Variants in SLC24A2 observed in about 807,000 individuals in gnomAD.
SLC24A2 encodes solute carrier family 24 member 2, also known as sodium/potassium/calcium exchanger 2.
A neutral mutation model predicts 62.0 loss-of-function variants in SLC24A2; 36 were observed. The ratio of observed to expected loss-of-function variants is 0.58; its 90% confidence interval spans 0.44 to 0.77. SLC24A2 has a LOEUF of 0.77. Among genes scored for constraint, SLC24A2 ranks in the 30% least tolerant of loss-of-function variants. The pLI is 0.00. For synonymous variants in SLC24A2, 358 were observed against 294.0 expected (o/e 1.22, Z -2.23); for missense variants, 846 against 817.9 (o/e 1.03, Z -0.42).
At chr9:19,560,016 G>C (rs1035719751) in intron 7 of SLC24A2, among the ~76,000 whole-genome samples, 11 of 152,100 alleles carry the variant, frequency 7.2e-5, no homozygotes, top group African/African-American at 2.7e-4. Flanking sequence ...ATGAACTTTT[G>C]GGACCCTGAA....
chr9:20,025,704 G>A, the SLC24A2 span, among the ~76,000 whole-genome samples: 1 of 152,114 alleles, frequency 6.6e-6, no homozygotes, highest in East Asian at 1.9e-4. Context: ...GACCTGGAAC[G>A]ACCAAGTGAC....
At chr9:19,624,935 G>C (rs1057373782) in intron 2 of SLC24A2, among the ~76,000 whole-genome samples, 1 of 152,126 alleles carries the variant, frequency 6.6e-6, no homozygotes, top group East Asian at 1.9e-4. Flanking sequence ...AGCTGATTAC[G>C]TTACAAATTC....
chr9:19,947,696 C>T, the SLC24A2 span, among the ~76,000 whole-genome samples: 2 of 148,172 alleles, frequency 1.3e-5, no homozygotes, highest in Non-Finnish European at 3.0e-5. Context: ...GAGGCTGAGG[C>T]AGGAGAATGG....
chr9:19,961,140 GGAGAGAGA>G, the SLC24A2 span, among the ~76,000 whole-genome samples: 168 of 138,574 alleles, frequency 1.2e-3, 4 homozygotes, highest in East Asian at 0.031. Context: ...AGAAGAAAGG[GGAGAGAGA>G]GAGAGAGAGA....
chr9:20,039,532 C>A, the SLC24A2 span, among the ~76,000 whole-genome samples: 3 of 151,856 alleles, frequency 2.0e-5, no homozygotes, highest in Non-Finnish European at 4.4e-5. Flanking sequence ...AATTTAGGAG[C>A]AGGTGAGACA....
the SLC24A2 span, among the ~76,000 whole-genome samples, chr9:19,989,148 C>T: frequency 6.6e-6 from 1 of 151,766 alleles, no homozygotes; most frequent in Non-Finnish European, 1.5e-5. Flanking sequence ...TACATTATTC[C>T]ATGTGTGTTT....
chr9:19,787,071 T>C (rs1823197536), intron 1 of SLC24A2, 52 bp from the exon 2 acceptor site: 2 of 1,313,364 alleles, frequency 1.5e-6, no homozygotes. Context: ...CACGTCTTTT[T>C]AATAAAGATC....
chr9:20,189,084 T>C, the SLC24A2 span, among the ~76,000 whole-genome samples: 1 of 106,644 alleles, frequency 9.4e-6, no homozygotes, highest in East Asian at 6.0e-4. Context: ...TTCTTTTTTT[T>C]TTTTTTTTCC....
At chr9:19,627,513 C>A (rs756550357) in intron 2 of SLC24A2, among the ~76,000 whole-genome samples, 47 of 152,080 alleles carry the variant, frequency 3.1e-4, no homozygotes, top group Non-Finnish European at 6.2e-4. Flanking sequence ...ATCAGAGTCT[C>A]CAAAATTTCT....
At chr9:20,186,509 A>G in the SLC24A2 span, among the ~76,000 whole-genome samples, 1 of 152,124 alleles carries the variant, frequency 6.6e-6, no homozygotes, top group Non-Finnish European at 1.5e-5. Flanking sequence ...ACTCCAACAC[A>G]TTGAACTCAT....
chr9:20,246,647 G>C, the SLC24A2 span, among the ~76,000 whole-genome samples: 19 of 152,298 alleles, frequency 1.2e-4, no homozygotes, highest in South Asian at 3.9e-3. Flanking sequence ...CAAGAAAAGA[G>C]GGAAAAAATT....
the SLC24A2 span, among the ~76,000 whole-genome samples, chr9:20,268,759 T>C: frequency 6.6e-6 from 1 of 152,310 alleles, no homozygotes; most frequent in African/African-American, 2.4e-5. Flanking sequence ...GATTCAGGCA[T>C]CCTTCCAGGG....
chr9:19,965,935 T>A, the SLC24A2 span, among the ~76,000 whole-genome samples: 2 of 152,208 alleles, frequency 1.3e-5, no homozygotes, highest in Non-Finnish European at 2.9e-5. Context: ...CTACATCTCA[T>A]TGGCTCGGCA....
At chr9:20,029,138 A>G in the SLC24A2 span, among the ~76,000 whole-genome samples, 1 of 152,132 alleles carries the variant, frequency 6.6e-6, no homozygotes, top group African/African-American at 2.4e-5. Context: ...CCACAGCTAC[A>G]TCTTCGTCAC....
At chr9:20,224,878 G>A in the SLC24A2 span, among the ~76,000 whole-genome samples, 2 of 150,816 alleles carry the variant, frequency 1.3e-5, no homozygotes, top group Non-Finnish European at 2.9e-5. Flanking sequence ...GCTTGCCCTT[G>A]GCTGATGGGA....
At chr9:20,030,218 G>A in the SLC24A2 span, among the ~76,000 whole-genome samples, 1 of 152,220 alleles carries the variant, frequency 6.6e-6, no homozygotes, top group Non-Finnish European at 1.5e-5. Flanking sequence ...GAGGCCAGAT[G>A]TGAAGATACT....
the SLC24A2 span, among the ~76,000 whole-genome samples, chr9:19,975,012 A>G: frequency 1.3e-5 from 2 of 152,132 alleles, no homozygotes; most frequent in Non-Finnish European, 2.9e-5. Context: ...CAGAAGCCCC[A>G]ACTCCAGCAG....
At chr9:19,820,057 A>ATG in the SLC24A2 span, among the ~76,000 whole-genome samples, 1 of 10,814 alleles carries the variant, frequency 9.2e-5, no homozygotes, top group African/African-American at 1.5e-4. Flanking sequence ...ATATATATAC[A>ATG]CATATATATA....
At chr9:20,189,999 G>C in the SLC24A2 span, among the ~76,000 whole-genome samples, 3 of 152,160 alleles carry the variant, frequency 2.0e-5, no homozygotes, top group African/African-American at 7.2e-5. Flanking sequence ...CAAGCATCCA[G>C]GAGGAATGAC....
Sources: allele counts gnomAD v4.1 joint callset (sites outside exome capture counted in the v4.1 genomes callset), GRCh38; gene constraint gnomAD v4.1.1; transcripts MANE v1.5; gene names NCBI Gene and HGNC (gene_info 2026-07-23, HGNC 2026-07-21).